Variants in MSRB3 observed in about 807,000 individuals in gnomAD.
MSRB3 encodes methionine sulfoxide reductase B3.
In MSRB3, 13 loss-of-function variants were observed where a neutral mutation model predicts 21.0. The observed-to-expected ratio is 0.62, with a 90% confidence interval of 0.40 to 0.98. The LOEUF (loss-of-function observed/expected upper bound fraction) is 0.98, where lower values mean the gene tolerates loss of function less well. Ranked by LOEUF, MSRB3 falls within the 50% of genes least tolerant of loss-of-function variation. The probability of loss-of-function intolerance (pLI) is 0.00; values close to 1 mark genes in which losing one functional copy is unlikely to be tolerated. For missense variants in MSRB3, 199 were observed against 230.3 expected (o/e 0.86, Z 0.88); for synonymous variants, 87 against 88.6 (o/e 0.98, Z 0.10).
At position 65,461,414 on chromosome 12, in the gene MSRB3, G is replaced by A. The variant is rs569523557; in HGVS notation, c.391-1741G>A. On this transcript the variant is annotated intron_variant, in intron 6 of 6. Transcript: ENST00000308259. ...AATGTGGTAAAATAATACAAGATTT[G>A]TTTTTTAGGCCTGTTTCATATTTTC... Among the ~76,000 whole-genome samples the A allele has an allele frequency of 3.3e-5, 5 of 152,248 alleles. No individual in the cohort carries two copies. The South Asian group carries it at 1.0e-3, about 32-fold the overall frequency.
At chr12:65,307,287 C>G (rs1234048928) in intron 1 of MSRB3, among the ~76,000 whole-genome samples, 2 of 152,224 alleles carry the variant, frequency 1.3e-5, no homozygotes, top group Non-Finnish European at 2.9e-5. Context: ...GTTAGTAACA[C>G]AAAAATGTTT....
chr12:65,432,867 A>C (rs74099839), intron 5 of MSRB3, among the ~76,000 whole-genome samples: 1,801 of 152,014 alleles, frequency 0.012, 33 homozygotes, highest in African/African-American at 0.042. Context: ...TGTACCTCTA[A>C]TCCTTTTATG....
At chr12:65,456,786 A>G (rs1287681610) in intron 6 of MSRB3, among the ~76,000 whole-genome samples, 2 of 152,252 alleles carry the variant, frequency 1.3e-5, no homozygotes, top group Non-Finnish European at 1.5e-5. Flanking sequence ...AGTAAGTTCT[A>G]TGCAGGAGAG....
chr12:65,413,997 G>A (rs146657575), intron 5 of MSRB3, among the ~76,000 whole-genome samples: 8 of 152,274 alleles, frequency 5.3e-5, no homozygotes, highest in African/African-American at 1.7e-4. Flanking sequence ...GAACAGAGAA[G>A]CAGGCCAGTA....
At chr12:65,311,903 G>T (rs10878257) in intron 2 of MSRB3, among the ~76,000 whole-genome samples, 13,348 of 151,792 alleles carry the variant, frequency 0.088, 2,009 homozygotes, top group African/African-American at 0.31. Flanking sequence ...CTTTTTTTAC[G>T]TCTTATTTTT....
intron 4 of MSRB3, among the ~76,000 whole-genome samples, chr12:65,363,652 GT>G (rs1877835467): frequency 6.6e-6 from 1 of 151,942 alleles, no homozygotes; most frequent in Admixed American, 6.6e-5. Context: ...AGGCTCAACT[GT>G]TCTGACAAGA....
chr12:65,293,509 A>G (rs543150425), intron 1 of MSRB3, among the ~76,000 whole-genome samples: 4 of 152,264 alleles, frequency 2.6e-5, no homozygotes, highest in Non-Finnish European at 5.9e-5. Flanking sequence ...CCTCAGGGCT[A>G]CTGCTCATCT....
chr12:65,379,840 G>A (rs201131800), intron 5 of MSRB3, among the ~76,000 whole-genome samples: 6 of 152,140 alleles, frequency 3.9e-5, no homozygotes, highest in Non-Finnish European at 8.8e-5. Context: ...TTGAACCAGT[G>A]TGTAGGCATT....
intron 4 of MSRB3, among the ~76,000 whole-genome samples, chr12:65,358,768 G>A (rs376585085): frequency 3.0e-4 from 45 of 151,912 alleles, no homozygotes; most frequent in African/African-American, 9.7e-4. Flanking sequence ...ATAACAGGGT[G>A]AAGATTTAAG....
chr12:65,352,961 CTACTT>C (rs1877123162), intron 4 of MSRB3, among the ~76,000 whole-genome samples: 1 of 151,968 alleles, frequency 6.6e-6, no homozygotes, highest in Non-Finnish European at 1.5e-5. Context: ...TTGGAAAAAA[CTACTT>C]TAAAGTTCAT....
chr12:65,312,519 G>A (rs969920237), intron 2 of MSRB3, among the ~76,000 whole-genome samples: 2 of 151,974 alleles, frequency 1.3e-5, no homozygotes, highest in African/African-American at 4.8e-5. Flanking sequence ...TGTCTAAATA[G>A]TACTAATTAG....
At chr12:65,453,036 A>G (rs1882926923) in intron 5 of MSRB3, among the ~76,000 whole-genome samples, 1 of 152,186 alleles carries the variant, frequency 6.6e-6, no homozygotes, top group Non-Finnish European at 1.5e-5. Context: ...GTGTGCATAT[A>G]TTTTTAAAAT....
intron 6 of MSRB3, among the ~76,000 whole-genome samples, chr12:65,456,944 T>A (rs1384216866): frequency 2.0e-5 from 3 of 152,220 alleles, no homozygotes; most frequent in African/African-American, 7.2e-5. Flanking sequence ...CTGTCTTTTA[T>A]TTGTGTGTTC....
At chr12:65,428,754 A>G (rs930454719) in intron 5 of MSRB3, among the ~76,000 whole-genome samples, 3 of 152,096 alleles carry the variant, frequency 2.0e-5, no homozygotes, top group African/African-American at 4.8e-5. Flanking sequence ...TCTATGTTCA[A>G]TTTCTCTACT....
intron 5 of MSRB3, chr12:65,419,533 G>C: frequency 1.3e-6 from 1 of 740,890 alleles, no homozygotes; most frequent in Non-Finnish European, 2.5e-6. Context: ...GACTCTAAAG[G>C]CATCAGCAGC....
intron 1 of MSRB3, among the ~76,000 whole-genome samples, chr12:65,302,010 T>G (rs1365353302): frequency 6.6e-6 from 1 of 152,142 alleles, no homozygotes; most frequent in African/African-American, 2.4e-5. Flanking sequence ...AATGTCATTT[T>G]TATAAATTAT....
intron 1 of MSRB3, 21 bp downstream of exon 1, chr12:65,278,886 C>T: frequency 1.3e-6 from 2 of 1,550,466 alleles, no homozygotes; most frequent in South Asian, 1.2e-5. Flanking sequence ...GCTCCCCTCC[C>T]CTCTCCTCCT....
At chr12:65,416,505 A>C (rs1156521133) in intron 5 of MSRB3, among the ~76,000 whole-genome samples, 2 of 152,186 alleles carry the variant, frequency 1.3e-5, no homozygotes, top group African/African-American at 4.8e-5. Flanking sequence ...ATACAAACCT[A>C]GATGGGATAG....
At chr12:65,322,695 A>C (rs1045916360) in intron 2 of MSRB3, among the ~76,000 whole-genome samples, 2 of 151,610 alleles carry the variant, frequency 1.3e-5, no homozygotes, top group Non-Finnish European at 2.9e-5. Flanking sequence ...GAAGAAAGAA[A>C]ATATAACAAC....
Sources: gnomAD v4.1 joint callset for allele counts (sites outside exome capture counted in the v4.1 genomes callset) on GRCh38, gnomAD v4.1.1 for gene constraint, MANE v1.5 for transcripts, NCBI Gene and HGNC (gene_info 2026-07-23, HGNC 2026-07-21) for gene names.